Variants in ITPR1 observed in about 807,000 individuals in gnomAD.
ITPR1 encodes inositol 1,4,5-trisphosphate-gated calcium channel ITPR1.
Under a neutral mutation model 318.4 loss-of-function variants are expected in ITPR1, and 96 were observed. The observed-to-expected ratio is 0.30, with a 90% confidence interval of 0.26 to 0.36. ITPR1 has a LOEUF of 0.36. Ranked by LOEUF, ITPR1 falls within the 10% of genes least tolerant of loss-of-function variation. The pLI is 1.00. For missense variants in ITPR1, 2,440 were observed against 3,460.2 expected (o/e 0.71, Z 7.40); for synonymous variants, 1,312 against 1,289.9 (o/e 1.02, Z -0.37).
At chr3:4,567,077 G>A (rs541185843) in intron 4 of ITPR1, among the ~76,000 whole-genome samples, 2 of 152,262 alleles carry the variant, frequency 1.3e-5, no homozygotes, top group East Asian at 1.9e-4. Context: ...CTGTAAAATG[G>A]GGATAATAAT....
chr3:4,779,542 C>T lies in ITPR1; in HGVS notation c.6292-8C>T. The T allele has an allele frequency of 1.2e-6, 2 of 1,608,624 alleles. No individual in the cohort carries two copies. The highest frequency in any genetic ancestry group is 1.7e-6 in the Non-Finnish European group (2 of 1,175,792). On this transcript the variant is annotated splice_polypyrimidine_tract_variant and splice_region_variant and intron_variant, in intron 48 of 61. Transcript: ENST00000649015. The surrounding 1 kb of genome is among the most constrained non-coding windows in gnomAD (Gnocchi z 4.0). ...CTACATTTCCTCTCCCTTTGTTTCT[C>T]CAACTAGAACAATGCCTCGAAGTTG... is the stretch of plus-strand genomic sequence containing the variant.
At chr3:4,567,965 G>A (rs955873469) in intron 4 of ITPR1, among the ~76,000 whole-genome samples, 9 of 143,870 alleles carry the variant, frequency 6.3e-5, no homozygotes, top group South Asian at 2.4e-4. Context: ...CTCCCAGTAA[G>A]TCACGTAATT....
At chr3:4,753,282 G>T (rs1365785015) in intron 44 of ITPR1, among the ~76,000 whole-genome samples, 1 of 152,110 alleles carries the variant, frequency 6.6e-6, no homozygotes, top group Non-Finnish European at 1.5e-5. Context: ...TGTGGTTCCC[G>T]CCGATCCCTA....
rs1362240264 is a variant in ITPR1 at position 4,711,737 on chromosome 3, G to A, written c.4992-20G>A. The A allele has an allele frequency of 6.8e-6, 9 of 1,317,612 alleles. No homozygotes were observed. The highest frequency in any genetic ancestry group is 1.3e-5 in the South Asian group (1 of 78,392). The allele number at this position is 1,317,612 out of a possible 1,614,324, so 81.6% of individuals were successfully genotyped here. On this transcript the variant is annotated intron_variant, in intron 38 of 61. Transcript: ENST00000649015. ...AAAATTAGCTTCAAGGAAGTAATCC[G>A]TGGTTTTCCCCCCATTCAGGTTAAT... is the stretch of plus-strand genomic sequence containing the variant.
At chr3:4,716,894 A>T (rs2041806618) in intron 39 of ITPR1, among the ~76,000 whole-genome samples, 3 of 152,200 alleles carry the variant, frequency 2.0e-5, no homozygotes, top group Non-Finnish European at 4.4e-5. Context: ...TTAGCTGCTG[A>T]AGTTACAGCT....
chr3:4,697,318 GTGTGTGTGTGTGT>G, intron 34 of ITPR1, 46 bp downstream of exon 34: 1 of 1,066,996 alleles, frequency 9.4e-7, no homozygotes, highest in Non-Finnish European at 1.3e-6. Flanking sequence ...AGTGAGAGGT[GTGTGTGTGTGTGT>G]GTGTGTGTGT....
chr3:4,622,564 C>A (rs931910230), intron 4 of ITPR1, among the ~76,000 whole-genome samples: 4 of 151,890 alleles, frequency 2.6e-5, no homozygotes, highest in Non-Finnish European at 5.9e-5. Context: ...GCTGGGACTA[C>A]AGATGCCCGC....
At chr3:4,747,006 A>G (rs1367953519) in intron 44 of ITPR1, among the ~76,000 whole-genome samples, 1 of 152,186 alleles carries the variant, frequency 6.6e-6, no homozygotes, top group South Asian at 2.1e-4. Context: ...TTTGAATAGA[A>G]ACATGAGGAT....
intron 2 of ITPR1, among the ~76,000 whole-genome samples, chr3:4,508,572 G>C (rs1423069813): frequency 6.7e-6 from 1 of 149,460 alleles, no homozygotes; most frequent in Non-Finnish European, 1.5e-5. Context: ...AAATGAGTGA[G>C]TTTTCTATCA....
intron 51 of ITPR1, among the ~76,000 whole-genome samples, chr3:4,787,714 A>C (rs901073045): frequency 4.6e-5 from 7 of 152,078 alleles, no homozygotes; most frequent in African/African-American, 1.7e-4. Flanking sequence ...CAAAAAAATA[A>C]AAATTAAAAA....
At chr3:4,754,049 G>GGT (rs1553727662) in intron 44 of ITPR1, among the ~76,000 whole-genome samples, 2 of 70,080 alleles carry the variant, frequency 2.9e-5, no homozygotes, top group Non-Finnish European at 5.9e-5. Context: ...CACAGAAAAT[G>GGT]GGGGGGGGGT....
chr3:4,697,306 AGAGT>A, intron 34 of ITPR1, 34 bp downstream of exon 34: 1 of 1,518,532 alleles, frequency 6.6e-7, no homozygotes, highest in Non-Finnish European at 8.8e-7. Flanking sequence ...GCAGAGTTGG[AGAGT>A]GAGAGGTGTG....
At chr3:4,686,159 C>T (rs949199304) in intron 30 of ITPR1, among the ~76,000 whole-genome samples, 6 of 152,122 alleles carry the variant, frequency 3.9e-5, no homozygotes, top group African/African-American at 1.2e-4. Context: ...CAGTAACTTG[C>T]GTGGATGGCA....
At chr3:4,651,418 C>T (rs552075233) in intron 10 of ITPR1, among the ~76,000 whole-genome samples, 29 of 152,292 alleles carry the variant, frequency 1.9e-4, no homozygotes, top group African/African-American at 6.0e-4. Context: ...TGGATTCTTC[C>T]TCCCTATGCT....
At chr3:4,687,142 A>G (rs1052365563) in intron 30 of ITPR1, among the ~76,000 whole-genome samples, 12 of 152,254 alleles carry the variant, frequency 7.9e-5, no homozygotes, top group African/African-American at 2.2e-4. Context: ...TTTGAACAGC[A>G]TATCAGCTAG....
At chr3:4,640,665 T>A (rs937298283) in intron 6 of ITPR1, among the ~76,000 whole-genome samples, 1 of 152,232 alleles carries the variant, frequency 6.6e-6, no homozygotes, top group Non-Finnish European at 1.5e-5. Context: ...ACTGTGAGAT[T>A]TGGGGCAAGA....
At chr3:4,814,767 G>A in intron 58 of ITPR1, 1 of 622,156 alleles carries the variant, frequency 1.6e-6, no homozygotes, top group Non-Finnish European at 2.8e-6. Context: ...GGAAAGGGTT[G>A]GCTTTGGCTC....
At chr3:4,660,907 G>T in intron 13 of ITPR1, 81 bp from the exon 14 acceptor site, 2 of 652,630 alleles carry the variant, frequency 3.1e-6, no homozygotes, top group Non-Finnish European at 2.5e-6. Flanking sequence ...TTTCTATTTT[G>T]ATAGATTATA....
At chr3:4,682,661 C>T (rs578125443) in intron 26 of ITPR1, among the ~76,000 whole-genome samples, 3 of 152,308 alleles carry the variant, frequency 2.0e-5, no homozygotes, top group East Asian at 1.9e-4. Context: ...TCAGCTCTCC[C>T]GCCATTTTCC....
Sources: gnomAD v4.1 joint callset for allele counts (sites outside exome capture counted in the v4.1 genomes callset) on GRCh38, gnomAD v4.1.1 for gene constraint, Gnocchi (gnomAD v3.1) non-coding constraint, MANE v1.5 for transcripts, NCBI Gene and HGNC (gene_info 2026-07-23, HGNC 2026-07-21) for gene names.